Variants in PRORP observed in about 807,000 individuals in gnomAD.
PRORP encodes protein only RNase P catalytic subunit.
Under a neutral mutation model 59.4 loss-of-function variants are expected in PRORP, and 51 were observed. The observed-to-expected ratio is 0.86, with a 90% confidence interval of 0.69 to 1.08. The LOEUF (loss-of-function observed/expected upper bound fraction) is 1.08, where lower values mean the gene tolerates loss of function less well. Among genes scored for constraint, PRORP ranks in the 50% least tolerant of loss-of-function variants. PRORP has a pLI of 0.00. For missense variants in PRORP, 646 were observed against 690.3 expected (o/e 0.94, Z 0.72); for synonymous variants, 231 against 245.6 (o/e 0.94, Z 0.55).
chr14:35,210,860 C>T (rs1181558152), intron 5 of PRORP, among the ~76,000 whole-genome samples: 2 of 139,474 alleles, frequency 1.4e-5, no homozygotes, highest in Non-Finnish European at 1.5e-5. Flanking sequence ...ATCTCCCAGA[C>T]TCAAGCTATC....
At chr14:35,231,914 A>G (rs1467026769) in intron 5 of PRORP, among the ~76,000 whole-genome samples, 6 of 152,228 alleles carry the variant, frequency 3.9e-5, no homozygotes, top group Non-Finnish European at 8.8e-5. Context: ...TAAGTTATGA[A>G]CTTTATTATA....
intron 4 of PRORP, chr14:35,158,846 T>G (rs2047986712): frequency 3.2e-6 from 1 of 311,782 alleles, no homozygotes. Flanking sequence ...TGAGAAAGAC[T>G]TGGATATTCT....
chr14:35,139,951 G>A (rs2138841897), intron 4 of PRORP, among the ~76,000 whole-genome samples: 1 of 145,494 alleles, frequency 6.9e-6, no homozygotes, highest in Admixed American at 7.2e-5. Context: ...TCCATTCTCT[G>A]CGTCTGTCTT....
intron 4 of PRORP, among the ~76,000 whole-genome samples, chr14:35,178,354 C>T (rs2139027248): frequency 6.6e-6 from 1 of 152,156 alleles, no homozygotes; most frequent in Non-Finnish European, 1.5e-5. Flanking sequence ...TTAAAGTCTC[C>T]CATTATTATT....
chr14:35,175,852 T>C (rs1326698164), intron 4 of PRORP, among the ~76,000 whole-genome samples: 1 of 152,224 alleles, frequency 6.6e-6, no homozygotes, highest in Non-Finnish European at 1.5e-5. Flanking sequence ...TAGGTTTTCT[T>C]CTAGAGTTTT....
intron 5 of PRORP, among the ~76,000 whole-genome samples, chr14:35,261,728 CA>C (rs948795661): frequency 2.1e-5 from 3 of 145,894 alleles, no homozygotes; most frequent in African/African-American, 7.5e-5. Flanking sequence ...GACTCTGTCT[CA>C]AAAAAAAAAC....
At chr14:35,149,144 C>T (rs1017834833) in intron 4 of PRORP, among the ~76,000 whole-genome samples, 6 of 150,906 alleles carry the variant, frequency 4.0e-5, no homozygotes, top group Non-Finnish European at 8.9e-5. Context: ...TGGTCTCGAT[C>T]TCCTGACCTC....
At chr14:35,189,811 TA>T (rs761227204) in intron 5 of PRORP, among the ~76,000 whole-genome samples, 8 of 152,116 alleles carry the variant, frequency 5.3e-5, no homozygotes, top group African/African-American at 1.9e-4. Context: ...AAAATTTTTT[TA>T]AAAAATAAGC....
chr14:35,138,703 C>T (rs1473367037), intron 4 of PRORP, among the ~76,000 whole-genome samples: 1 of 145,274 alleles, frequency 6.9e-6, no homozygotes, highest in African/African-American at 2.4e-5. Flanking sequence ...TAGATGACAC[C>T]CTCTAATGTA....
intron 5 of PRORP, among the ~76,000 whole-genome samples, chr14:35,248,352 C>T (rs1196379437): frequency 6.6e-6 from 1 of 152,230 alleles, no homozygotes; most frequent in Non-Finnish European, 1.5e-5. Flanking sequence ...CAGTCAGCCT[C>T]AGCCTCTCTC....
chr14:35,210,222 CT>C (rs1410535220), intron 5 of PRORP, among the ~76,000 whole-genome samples: 1 of 152,138 alleles, frequency 6.6e-6, no homozygotes, highest in African/African-American at 2.4e-5. Flanking sequence ...GGACCTTTGG[CT>C]GAGTTACTGG....
chr14:35,272,026 A>G (rs1303650105), intron 7 of PRORP, among the ~76,000 whole-genome samples: 2 of 141,864 alleles, frequency 1.4e-5, no homozygotes, highest in African/African-American at 6.1e-5. Flanking sequence ...ACTCCGTCTC[A>G]AAAAAAACAA....
rs1464395513 is a variant in PRORP, at chr14:35,274,024, A to G, written c.*458A>G. ...GTATGTTATGCCCTATCCACATGGAATCATTTATCGTCCTCTGTAATAAAC... is the reference window on the plus strand; with the variant it reads ...GTATGTTATGCCCTATCCACATGGAGTCATTTATCGTCCTCTGTAATAAAC... On this transcript the variant is annotated 3_prime_UTR_variant, in exon 8 of 8. Transcript: ENST00000534898. 6.6e-6 allele frequency: 1 copy of G among 152,544 alleles called. No individual in the cohort carries two copies. The highest frequency in any genetic ancestry group is 1.5e-5 in the Non-Finnish European group (1 of 68,284). 9.4% of individuals were successfully genotyped at this position (152,544 alleles called of 1,614,324 possible).
At chr14:35,130,030 CTTTTTTTTT>C (rs1180777805) in intron 4 of PRORP, among the ~76,000 whole-genome samples, 1 of 129,924 alleles carries the variant, frequency 7.7e-6, no homozygotes, top group Non-Finnish European at 1.6e-5. Flanking sequence ...TTTAGACTTT[CTTTTTTTTT>C]TTTTTTTTTG....
chr14:35,252,718 C>G (rs1039891458), intron 5 of PRORP, among the ~76,000 whole-genome samples: 1 of 152,210 alleles, frequency 6.6e-6, no homozygotes, highest in Admixed American at 6.5e-5. Flanking sequence ...CACCATCCCT[C>G]TGCCAATGAC....
intron 5 of PRORP, among the ~76,000 whole-genome samples, chr14:35,256,563 CTCGTGA>C (rs2050766878): frequency 6.6e-6 from 1 of 151,802 alleles, no homozygotes; most frequent in African/African-American, 2.4e-5. Context: ...AACTCCTGAC[CTCGTGA>C]TCCGCCCACC....
rs115724225 is a variant in PRORP at position 35,220,289 on chromosome 14, A to G, written c.1275+39512A>G. Among the ~76,000 whole-genome samples, 1,201 of 152,324 alleles carry G rather than the reference A, an allele frequency of 7.9e-3. 23 individuals carry two copies. Among genetic ancestry groups the G allele is most frequent in the African/African-American group, 0.028 (1,143 of 41,548 alleles). On this transcript the variant is annotated intron_variant, in intron 5 of 7. Coordinates refer to ENST00000534898, the MANE Select transcript of PRORP (RefSeq NM_014672.4). ...CACATTCGTCATTTTATGTCAATATATGCTGTTTATGAACAACTCTAAAGG... is the reference window on the plus strand; with the variant it reads ...CACATTCGTCATTTTATGTCAATATGTGCTGTTTATGAACAACTCTAAAGG...
intron 4 of PRORP, among the ~76,000 whole-genome samples, chr14:35,154,032 TC>T (rs2047849916): frequency 6.6e-6 from 1 of 152,224 alleles, no homozygotes; most frequent in African/African-American, 2.4e-5. Context: ...TCGTTCTTTT[TC>T]CTGGTCTTTA....
chr14:35,214,968 AGGATTG>A (rs2049548986), intron 5 of PRORP, among the ~76,000 whole-genome samples: 1 of 152,176 alleles, frequency 6.6e-6, no homozygotes, highest in African/African-American at 2.4e-5. Context: ...AGACTTTCTG[AGGATTG>A]GGAAAGCATT....
Sources: allele counts gnomAD v4.1 joint callset (sites outside exome capture counted in the v4.1 genomes callset), GRCh38; gene constraint gnomAD v4.1.1; transcripts MANE v1.5; gene names NCBI Gene and HGNC (gene_info 2026-07-23, HGNC 2026-07-21).